The following ATF7IP2 variants were observed in gnomAD, a reference collection of about 807,000 sequenced individuals.
The protein encoded by ATF7IP2 is activating transcription factor 7 interacting protein 2, also known as activating transcription factor 7-interacting protein 2.
ATF7IP2 carries 42 observed loss-of-function variants against 64.2 expected under a neutral mutation model. That is an observed-to-expected ratio of 0.65 (90% CI 0.51 to 0.85). The LOEUF (loss-of-function observed/expected upper bound fraction) is 0.85, where lower values mean the gene tolerates loss of function less well. ATF7IP2 is among the 40% of genes least tolerant of loss of function. The pLI is 0.00. For missense variants in ATF7IP2, 933 were observed against 784.2 expected (o/e 1.19, Z -2.27); for synonymous variants, 308 against 272.8 (o/e 1.13, Z -1.27).
intron 1 of ATF7IP2, among the ~76,000 whole-genome samples, chr16:10,388,951 G>C (rs1324985764): frequency 6.6e-6 from 1 of 151,970 alleles, no homozygotes; most frequent in Non-Finnish European, 1.5e-5. Context: ...GGCGGAGCTT[G>C]CAGTGAGCCG....
chr16:10,394,216 A>G (rs1463736016), intron 1 of ATF7IP2, among the ~76,000 whole-genome samples: 1 of 152,224 alleles, frequency 6.6e-6, no homozygotes, highest in Non-Finnish European at 1.5e-5. Context: ...CAACATGCAA[A>G]TAGCAACCAT....
At chr16:10,477,106 A>C (rs2050038427) in intron 12 of ATF7IP2, among the ~76,000 whole-genome samples, 1 of 152,240 alleles carries the variant, frequency 6.6e-6, no homozygotes, top group Non-Finnish European at 1.5e-5. Flanking sequence ...AATGGGATCT[A>C]ATTAAAGAGC....
chr16:10,457,623 T>C lies in ATF7IP2; in HGVS notation c.1352+94T>C, dbSNP rs2049224228. On this transcript the variant is annotated intron_variant, in intron 9 of 13. Transcript: ENST00000562102. ...TTTTGGATCTTTGTAATATTGATTATTCTTAACATTCACTCTTAAAATGTC... is the reference window on the plus strand; with the variant it reads ...TTTTGGATCTTTGTAATATTGATTACTCTTAACATTCACTCTTAAAATGTC... 3 of 909,918 alleles carry C rather than the reference T, an allele frequency of 3.3e-6. No individual in the cohort carries two copies. In the East Asian group the frequency reaches 8.4e-5, roughly 25 times the overall value. The allele number at this position is 909,918 out of a possible 1,614,324, so 56.4% of individuals were successfully genotyped here. A position where few individuals can be genotyped will look rare whatever the true frequency, so the allele number is the denominator to read the frequency against.
intron 4 of ATF7IP2, among the ~76,000 whole-genome samples, chr16:10,429,952 G>A (rs868017737): frequency 2.0e-5 from 3 of 151,284 alleles, no homozygotes; most frequent in Admixed American, 6.6e-5. Context: ...TCCCGGGTTC[G>A]AGTGATTCTT....
At chr16:10,393,380 G>C (rs900979260) in intron 1 of ATF7IP2, among the ~76,000 whole-genome samples, 1 of 139,278 alleles carries the variant, frequency 7.2e-6, no homozygotes, top group East Asian at 2.1e-4. Context: ...TAAAGGAATA[G>C]AACAAAAGGC....
At chr16:10,466,514 G>A (rs1032004637) in intron 9 of ATF7IP2, among the ~76,000 whole-genome samples, 2 of 151,992 alleles carry the variant, frequency 1.3e-5, no homozygotes, top group Admixed American at 6.6e-5. Context: ...TTTTATTACT[G>A]CGTATCCTTG....
chr16:10,481,057 C>T (rs1353167731), intron 13 of ATF7IP2, 93 bp downstream of exon 13: 4 of 895,376 alleles, frequency 4.5e-6, no homozygotes, highest in Non-Finnish European at 7.3e-6. Flanking sequence ...GGTCACATTT[C>T]AGCTTAGACA....
At chr16:10,476,484 T>TTG (rs144175914) in intron 12 of ATF7IP2, among the ~76,000 whole-genome samples, 13 of 122,616 alleles carry the variant, frequency 1.1e-4, no homozygotes, top group African/African-American at 3.5e-4. Context: ...CTCTCCCCAG[T>TTG]TGTGTGTGTG....
Position 10,425,584 on chromosome 16 carries a change from A to T in ATF7IP2, c.-159-3284A>T, listed in dbSNP as rs141681957. On this transcript the variant is annotated intron_variant, in intron 3 of 13. Coordinates refer to ENST00000562102, the MANE Select transcript of ATF7IP2 (RefSeq NM_001393719.1). ...AAAATATTTATGTATTACAGGAAAC[A>T]TAAATTGATACAAAAATGTTAAAAG... Among the ~76,000 whole-genome samples, 351 of 152,300 alleles carry T rather than the reference A, an allele frequency of 2.3e-3. 3 individuals carry two copies. Among genetic ancestry groups the T allele is most frequent in the African/African-American group, 8.1e-3 (336 of 41,550 alleles).
intron 1 of ATF7IP2, among the ~76,000 whole-genome samples, chr16:10,394,492 CAA>C (rs532917568): frequency 9.9e-5 from 15 of 152,174 alleles, no homozygotes; most frequent in Non-Finnish European, 1.9e-4. Flanking sequence ...ATCAGTGAGA[CAA>C]GAGACGACTT....
intron 1 of ATF7IP2, among the ~76,000 whole-genome samples, chr16:10,401,234 CT>C (rs1329775792): frequency 6.7e-6 from 1 of 150,310 alleles, no homozygotes; most frequent in Non-Finnish European, 1.5e-5. Context: ...GTGGTGTGAT[CT>C]CGGCTCACTG....
intron 1 of ATF7IP2, among the ~76,000 whole-genome samples, chr16:10,407,499 C>G (rs2047667602): frequency 6.6e-6 from 1 of 152,132 alleles, no homozygotes; most frequent in Admixed American, 6.5e-5. Flanking sequence ...TACACCAAAA[C>G]TAGTAATACT....
rs917010868 is a variant in ATF7IP2, at chr16:10,430,166, G to C, written c.-10-445G>C. On this transcript the variant is annotated intron_variant, in intron 4 of 13. Coordinates refer to ENST00000562102, the MANE Select transcript of ATF7IP2 (RefSeq NM_001393719.1). ...ACGACACCTGGCCACATTTATTTTA[G>C]AAACTTGAACATTAGGAAAGCTTAA... 2.0e-5 allele frequency among the ~76,000 whole-genome samples: 3 copies of C among 152,160 alleles called. No homozygotes were observed. The East Asian group carries it at 5.8e-4, about 29-fold the overall frequency.
chr16:10,476,041 A>G (rs1230883751), intron 12 of ATF7IP2, among the ~76,000 whole-genome samples: 4 of 152,224 alleles, frequency 2.6e-5, no homozygotes, highest in South Asian at 2.1e-4. Context: ...GAAAGAAGGA[A>G]TATTATTTAC....
At chr16:10,431,923 G>A (rs923585237) in intron 5 of ATF7IP2, among the ~76,000 whole-genome samples, 15 of 147,804 alleles carry the variant, frequency 1.0e-4, no homozygotes, top group Admixed American at 2.7e-4. Flanking sequence ...TCCTGGGTTC[G>A]AGTGATTTGC....
intron 1 of ATF7IP2, among the ~76,000 whole-genome samples, chr16:10,392,207 A>G (rs1176400191): frequency 6.6e-6 from 1 of 151,536 alleles, no homozygotes; most frequent in East Asian, 1.9e-4. Flanking sequence ...TGCCCAGCTA[A>G]TTTTTGTACT....
At chr16:10,393,251 A>G (rs2047361815) in intron 1 of ATF7IP2, among the ~76,000 whole-genome samples, 1 of 141,280 alleles carries the variant, frequency 7.1e-6, no homozygotes, top group African/African-American at 2.6e-5. Flanking sequence ...CGGAGGTTGC[A>G]GTGAGCTGAG....
In ATF7IP2 at chr16:10,425,271, C is replaced by T. The variant is rs148866291; in HGVS notation, c.-159-3597C>T. 4.1e-5 allele frequency among the ~76,000 whole-genome samples: 6 copies of T among 147,480 alleles called. 1 individual carries two copies. The highest frequency in any genetic ancestry group is 2.1e-4 in the South Asian group (1 of 4,662). ...TTTTAGTAGAAACGGGGTTTCACCA[C>T]GTTGGCCAGGCTGGTCTTGAACTCC... On this transcript the variant is annotated intron_variant, in intron 3 of 13. Coordinates refer to ENST00000562102, the MANE Select transcript of ATF7IP2 (RefSeq NM_001393719.1).
chr16:10,437,986 C>G, intron 6 of ATF7IP2, 115 bp from the exon 7 acceptor site: 1 of 709,820 alleles, frequency 1.4e-6, no homozygotes, highest in Non-Finnish European at 2.1e-6. Context: ...TATAAATAAA[C>G]TATATTTAAT....
Sources: allele counts gnomAD v4.1 joint callset (sites outside exome capture counted in the v4.1 genomes callset), GRCh38; gene constraint gnomAD v4.1.1; transcripts MANE v1.5; gene names NCBI Gene and HGNC (gene_info 2026-07-23, HGNC 2026-07-21).